Variants in MROH2B observed in about 807,000 individuals in gnomAD.
MROH2B encodes the protein maestro heat-like repeat-containing protein family member 2B.
Under a neutral mutation model 208.6 loss-of-function variants are expected in MROH2B, and 177 were observed. The observed-to-expected ratio is 0.85, with a 90% CI of 0.75 to 0.96. The LOEUF (loss-of-function observed/expected upper bound fraction) is 0.96, where lower values mean the gene tolerates loss of function less well. MROH2B is among the 40% of genes least tolerant of loss of function. The pLI, the probability that MROH2B is intolerant of heterozygous loss-of-function variation, is 0.00. For missense variants in MROH2B, 2,002 were observed against 1,878.7 expected (o/e 1.07, Z -1.21); for synonymous variants, 728 against 659.0 (o/e 1.10, Z -1.60).
rs777129556 is a variant in MROH2B at position 41,000,266 on chromosome 5, T to A, written c.4436A>T (p.Asp1479Val). The A allele has an allele frequency of 2.5e-6, 4 of 1,613,872 alleles. No individual in the cohort carries two copies. In the South Asian group the frequency reaches 3.3e-5, roughly 13 times the overall value. ...GTAGAAATCCCTGGCCCTTGGTAGA[T>A]CCTGATCAAGGAGACGGTCTAATAC... ...YGVLDRLLDQDLPRARDFYRQ... is the reference protein window; with the variant it reads ...YGVLDRLLDQVLPRARDFYRQ... Residue 1479 changes from aspartate (D) to valine (V), a missense_variant, in exon 39 of 42, where the codon GAT becomes GTT. Coordinates refer to ENST00000399564, the MANE Select transcript of MROH2B (RefSeq NM_173489.5).
chr5:41,015,971 T>TCTGCA (rs1741935522), intron 28 of MROH2B, among the ~76,000 whole-genome samples: 1 of 152,260 alleles, frequency 6.6e-6, no homozygotes, highest in African/African-American at 2.4e-5. Context: ...GATATCAATT[T>TCTGCA]ATAAATGCAG....
Position 41,033,844 on chromosome 5 carries a change from C to A in MROH2B, c.2235G>T (p.Met745Ile). 1 of 1,526,462 alleles carries A rather than the reference C, an allele frequency of 6.6e-7. No individual in the cohort carries two copies. Among genetic ancestry groups the A allele is most frequent in the Non-Finnish European group, 8.9e-7 (1 of 1,128,808 alleles). 94.6% of individuals were successfully genotyped at this position (1,526,462 alleles called of 1,614,324 possible). ...ATCTATCTATCTCTCCTACCTTGTT[C>A]ATCACAGACATGCCCAGAACCTAAA... ...QCSQVLGMSV[M>I]NKDMDLQMSF... Residue 745 changes from methionine to isoleucine, a missense_variant, in exon 22 of 42, where the codon ATG becomes ATT. Physicochemically the swap from Met to Ile is conservative, Grantham distance 10. Coordinates refer to ENST00000399564, the MANE Select transcript of MROH2B (RefSeq NM_173489.5).
chr5:41,025,015 C>T (rs1579923510), intron 24 of MROH2B, among the ~76,000 whole-genome samples: 1 of 152,198 alleles, frequency 6.6e-6, no homozygotes, highest in South Asian at 2.1e-4. Flanking sequence ...ATACCAGAAT[C>T]TCTGGGACAC....
intron 40 of MROH2B, 28 bp from the exon 41 acceptor site, chr5:40,998,705 G>A: frequency 6.5e-7 from 1 of 1,544,786 alleles, no homozygotes; most frequent in Non-Finnish European, 8.8e-7. Flanking sequence ...CCATGTTACT[G>A]ATTTCATTAT....
intron 26 of MROH2B, 126 bp downstream of exon 26, chr5:41,018,565 G>A: frequency 7.1e-7 from 1 of 1,406,272 alleles, no homozygotes; most frequent in Non-Finnish European, 9.8e-7. Context: ...GTAGATGGCT[G>A]TATGTGGGGT....
chr5:41,048,506 G>A lies in MROH2B; in HGVS notation c.1543-41C>T, dbSNP rs11951597. 1,795 of 1,547,342 alleles carry A rather than the reference G, an allele frequency of 1.2e-3. 22 individuals carry two copies. The African/African-American group carries it at 0.021, about 18-fold the overall frequency. ...GAAGGAGCTCATCAATTTCAGGGGC[G>A]TTTAAAAGCCCCACTTATTTTTCCC... On this transcript the variant is annotated intron_variant, in intron 15 of 41. Coordinates refer to ENST00000399564, the MANE Select transcript of MROH2B (RefSeq NM_173489.5).
At chr5:41,041,646 A>ACAG (rs1441911113) in intron 19 of MROH2B, among the ~76,000 whole-genome samples, 4 of 152,134 alleles carry the variant, frequency 2.6e-5, no homozygotes, top group African/African-American at 4.8e-5. Flanking sequence ...AACAACAACA[A>ACAG]AATACACATC....
Position 41,006,041 on chromosome 5 carries a change from AAAAAAG to A in MROH2B, c.3750-402_3750-397del, listed in dbSNP as rs1234384900. Reference sequence around the variant, plus strand: ...AGTAAGATTCTGTCTCCAAAAAAAAAAAAAAGAAAAAAGAAAAAAGAAAAAAGGGAT... The same window carrying A: ...AGTAAGATTCTGTCTCCAAAAAAAAAAAAAAAGAAAAAAGAAAAAAGGGAT... On this transcript the variant is annotated intron_variant, in intron 34 of 41. Transcript: ENST00000399564. 3.1e-4 allele frequency among the ~76,000 whole-genome samples: 47 copies of A among 151,248 alleles called. No individual in the cohort carries two copies. The East Asian group carries it at 6.6e-3, about 21-fold the overall frequency.
At chr5:41,037,814 A>G (rs893277905) in intron 21 of MROH2B, among the ~76,000 whole-genome samples, 1 of 152,218 alleles carries the variant, frequency 6.6e-6, no homozygotes, top group Non-Finnish European at 1.5e-5. Flanking sequence ...AGACCTACTG[A>G]ACTAACTTCC....
chr5:41,018,264 G>A (rs1397565839), intron 27 of MROH2B, 77 bp downstream of exon 27: 4 of 1,415,088 alleles, frequency 2.8e-6, no homozygotes, highest in Non-Finnish European at 3.9e-6. Flanking sequence ...TCATGCAGGA[G>A]TTTTGGATTC....
chr5:41,067,224 A>ATGCCTTTGT lies in MROH2B; in HGVS notation c.91-7_91-6insACAAAGGCA. 6.6e-7 allele frequency: 1 copy of ATGCCTTTGT among 1,510,144 alleles called. No homozygotes were observed. Among genetic ancestry groups the ATGCCTTTGT allele is most frequent in the Non-Finnish European group, 9.0e-7 (1 of 1,109,388 alleles). 93.5% of individuals were successfully genotyped at this position (1,510,144 alleles called of 1,614,324 possible). A position where few individuals can be genotyped will look rare whatever the true frequency, so the allele number is the denominator to read the frequency against. On this transcript the variant is annotated splice_region_variant and splice_polypyrimidine_tract_variant and intron_variant, in intron 2 of 41. Transcript: ENST00000399564. ...AGATGACTGTAAATGTCTTCCTGTG[A>ATGCCTTTGT]ATATACAAAGGCATACACAGAAATT...
intron 30 of MROH2B, among the ~76,000 whole-genome samples, chr5:41,011,229 A>T (rs1741763864): frequency 1.3e-5 from 2 of 152,192 alleles, no homozygotes; most frequent in African/African-American, 4.8e-5. Flanking sequence ...TTTTGGATAG[A>T]CATTTAAGTT....
intron 17 of MROH2B, among the ~76,000 whole-genome samples, chr5:41,046,232 A>G (rs1743113707): frequency 7.0e-6 from 1 of 143,758 alleles, no homozygotes; most frequent in Non-Finnish European, 1.5e-5. Flanking sequence ...ATTACATACT[A>G]AAAAAAAAAA....
In MROH2B at chr5:41,009,304, G is replaced by A. The variant is rs369479776; in HGVS notation, c.3396C>T (p.Asp1132=). 2.5e-6 allele frequency: 4 copies of A among 1,613,890 alleles called. No homozygotes were observed. Among genetic ancestry groups the A allele is most frequent in the Admixed American group, 3.3e-5 (2 of 60,018 alleles). Residue 1132 remains aspartate, a synonymous_variant, in exon 32 of 42, where the codon GAC becomes GAT. Coordinates refer to ENST00000399564, the MANE Select transcript of MROH2B (RefSeq NM_173489.5). ...CTGAAATTGCCTCAACCCTGGCGAT[G>A]TCATCTTCTAACTCAGTCTCCAGTT... ...IDKLETELED[D]IARVEAISVA...
At chr5:41,057,996 C>G in intron 7 of MROH2B, 67 bp downstream of exon 7, 1 of 1,392,786 alleles carries the variant, frequency 7.2e-7, no homozygotes, top group Non-Finnish European at 9.4e-7. Context: ...TCTTTTGAGA[C>G]TTAAAAGCCT....
intron 16 of MROH2B, 93 bp from the exon 17 acceptor site, chr5:41,047,857 C>T (rs1162733614): frequency 9.7e-7 from 1 of 1,027,042 alleles, no homozygotes; most frequent in East Asian, 2.6e-5. Context: ...TACTGGAGTT[C>T]TATTTTAAGC....
chr5:41,005,090 T>A, intron 35 of MROH2B, 170 bp from the exon 36 acceptor site: 1 of 825,190 alleles, frequency 1.2e-6, no homozygotes, highest in Admixed American at 3.0e-5. Context: ...GCTCTAGATA[T>A]GAGCAGCGCA....
Position 41,004,426 on chromosome 5 carries a change from T to G in MROH2B, c.4114A>C (p.Ile1372Leu). 1.9e-6 allele frequency: 3 copies of G among 1,613,542 alleles called. No homozygotes were observed. Among genetic ancestry groups the G allele is most frequent in the Non-Finnish European group, 2.5e-6 (3 of 1,179,690 alleles). The change falls in exon 37 of 42, where the codon ATC (isoleucine) becomes CTC (leucine). Residue 1372 changes from isoleucine (I) to leucine (L), a missense_variant. Ile to Leu is a conservative substitution (Grantham distance 5). Coordinates refer to ENST00000399564, the MANE Select transcript of MROH2B (RefSeq NM_173489.5). ...TCTCGGTCTGTCAGCAGCTCCAGGATTTTTTTTAGAGCCTTCAAGCTTTCA... is the reference window on the plus strand; with the variant it reads ...TCTCGGTCTGTCAGCAGCTCCAGGAGTTTTTTTAGAGCCTTCAAGCTTTCA... ...VCESLKALKK[I>L]LELLTDRDVS...
chr5:40,998,187 G>A, intron 41 of MROH2B, 29 bp from the exon 42 acceptor site: 2 of 1,566,040 alleles, frequency 1.3e-6, no homozygotes, highest in Non-Finnish European at 1.8e-6. Context: ...CAAATAAGTG[G>A]AGGAGGAGAG....
Sources: allele counts gnomAD v4.1 joint callset (sites outside exome capture counted in the v4.1 genomes callset), GRCh38; gene constraint gnomAD v4.1.1; transcripts MANE v1.5; gene names NCBI Gene and HGNC (gene_info 2026-07-23, HGNC 2026-07-21).